Variants in CDH3 observed in about 807,000 individuals in gnomAD.
The protein encoded by CDH3 is cadherin-3.
Under a neutral mutation model 82.0 loss-of-function variants are expected in CDH3, and 54 were observed. The observed-to-expected ratio is 0.66, with a 90% CI of 0.53 to 0.83. CDH3 has a LOEUF of 0.83. CDH3 is among the 40% of genes least tolerant of loss of function. CDH3 has a pLI of 0.00. For synonymous variants in CDH3, 446 were observed against 437.9 expected (o/e 1.02, Z -0.23); for missense variants, 1,054 against 1,084.6 (o/e 0.97, Z 0.40).
intron 2 of CDH3, 37 bp downstream of exon 2, chr16:68,645,787 G>T (rs771098797): frequency 7.5e-6 from 11 of 1,468,608 alleles, no homozygotes; most frequent in Non-Finnish European, 1.0e-5. Context: ...GGTAGGGGCC[G>T]CACGTGACCA....
At position 68,687,546 on chromosome 16, in the gene CDH3, G is replaced by A. The variant is rs1961447976; in HGVS notation, c.1605G>A (p.Leu535=). Residue 535 remains leucine, a synonymous_variant, in exon 12 of 16, where the codon CTG becomes CTA. Coordinates refer to ENST00000264012, the MANE Select transcript of CDH3 (RefSeq NM_001793.6). ...SPPTTGTGTL[L]LTLIDVNDHG... ...CCACCACTGGCACGGGAACCCTTCT[G>A]CTAACACTGATTGATGTCAATGACC... 1.2e-6 allele frequency: 2 copies of A among 1,614,106 alleles called. No individual in the cohort carries two copies. Among genetic ancestry groups the A allele is most frequent in the East Asian group, 2.2e-5 (1 of 44,870 alleles).
At chr16:68,709,445 A>G (rs761387082) in intron 1 of CDH3, among the ~76,000 whole-genome samples, 25 of 152,078 alleles carry the variant, frequency 1.6e-4, no homozygotes, top group African/African-American at 6.0e-4. Context: ...AGAAGGGTTC[A>G]TGGAGGTGCA....
intron 12 of CDH3, among the ~76,000 whole-genome samples, chr16:68,689,150 C>G (rs1488526886): frequency 6.6e-6 from 1 of 152,174 alleles, no homozygotes; most frequent in Non-Finnish European, 1.5e-5. Flanking sequence ...ACTCCCTAAG[C>G]CTCAATTTCT....
downstream of CDH3, among the ~76,000 whole-genome samples, chr16:68,731,451 CGT>C (rs1567467997): frequency 1.7e-4 from 2 of 11,816 alleles, no homozygotes; most frequent in East Asian, 1.5e-3. Context: ...TACACACACA[CGT>C]ATATACACAT....
In CDH3 at chr16:68,686,807, G is replaced by A. The variant is rs1337249227; in HGVS notation, c.1571-705G>A. On this transcript the variant is annotated intron_variant, in intron 11 of 15. Coordinates refer to ENST00000264012, the MANE Select transcript of CDH3 (RefSeq NM_001793.6). Reference sequence around the variant, plus strand: ...TTATAATAAACTAATGATAACTAATGACCAAAAAAAATAAGCTGGGTGTGG... The same window carrying A: ...TTATAATAAACTAATGATAACTAATAACCAAAAAAAATAAGCTGGGTGTGG... 13 of 512,778 alleles carry A rather than the reference G, an allele frequency of 2.5e-5. No homozygotes were observed. In the East Asian group the frequency reaches 4.2e-4, roughly 17 times the overall value. 31.8% of individuals were successfully genotyped at this position (512,778 alleles called of 1,614,324 possible).
At chr16:68,652,500 G>T (rs938285569) in intron 2 of CDH3, among the ~76,000 whole-genome samples, 2 of 152,164 alleles carry the variant, frequency 1.3e-5, no homozygotes, top group Non-Finnish European at 2.9e-5. Context: ...GAGGAGGGAG[G>T]AAGGGCCTCC....
chr16:68,697,916 C>T (rs1168711445), intron 15 of CDH3, among the ~76,000 whole-genome samples: 3 of 152,282 alleles, frequency 2.0e-5, no homozygotes, highest in South Asian at 2.1e-4. Flanking sequence ...TTAAGGGACT[C>T]GCCCAAGGCC....
rs565435776 is a variant in CDH3 at position 68,654,838 on chromosome 16, C to G, written c.160+9088C>G. ...ATCACCTGAGGTCAGGAGTTCAAGA[C>G]CAGCCTGGCCAACATGGTGAAACCC... On this transcript the variant is annotated intron_variant, in intron 2 of 15. Coordinates refer to ENST00000264012, the MANE Select transcript of CDH3 (RefSeq NM_001793.6). Among the ~76,000 whole-genome samples, 693 of 151,074 alleles carry G rather than the reference C, an allele frequency of 4.6e-3. 3 individuals carry two copies. Among genetic ancestry groups the G allele is most frequent in the African/African-American group, 0.016 (653 of 41,126 alleles).
chr16:68,730,559 T>G (rs1216342852), downstream of CDH3, among the ~76,000 whole-genome samples: 1 of 152,138 alleles, frequency 6.6e-6, no homozygotes, highest in Non-Finnish European at 1.5e-5. Flanking sequence ...AAAAATTGTT[T>G]AAAAGACATT....
chr16:68,656,688 C>A (rs11643840), intron 2 of CDH3, among the ~76,000 whole-genome samples: 34,452 of 152,064 alleles, frequency 0.23, 4,299 homozygotes, highest in African/African-American at 0.31. Flanking sequence ...GACCATTTGG[C>A]AATCAGGGTG....
intron 1 of CDH3, among the ~76,000 whole-genome samples, chr16:68,706,546 T>A (rs1961966719): frequency 6.6e-5 from 6 of 91,474 alleles, no homozygotes; most frequent in Admixed American, 3.8e-4. Context: ...CACATTTCCT[T>A]TTTTTTTTTT....
chr16:68,695,388 G>A lies in CDH3; in HGVS notation c.2133+3G>A. On this transcript the variant is annotated splice_donor_region_variant and intron_variant, in intron 14 of 15. Transcript: ENST00000264012. Reference sequence around the variant, plus strand: ...AGGGGGGTGGCGAAGAGGACCAGGTGGGGCACTGGGGGCTCTGGGATTGGG... The same window carrying A: ...AGGGGGGTGGCGAAGAGGACCAGGTAGGGCACTGGGGGCTCTGGGATTGGG... 1.2e-6 allele frequency: 2 copies of A among 1,605,210 alleles called. No individual in the cohort carries two copies. Among genetic ancestry groups the A allele is most frequent in the Non-Finnish European group, 8.5e-7 (1 of 1,175,952 alleles).
downstream of CDH3, among the ~76,000 whole-genome samples, chr16:68,728,984 G>A (rs568823207): frequency 2.0e-5 from 3 of 152,218 alleles, no homozygotes; most frequent in South Asian, 6.2e-4. Context: ...CGCGTTTAAG[G>A]ACACCTCAAA....
intron 2 of CDH3, among the ~76,000 whole-genome samples, chr16:68,662,172 G>A (rs777092150): frequency 5.3e-5 from 8 of 152,150 alleles, no homozygotes; most frequent in African/African-American, 9.7e-5. Context: ...GTGTAAAATC[G>A]GGATGGGAAT....
Position 68,698,411 on chromosome 16 carries a change from T to C in CDH3, c.*11T>C. 1 of 1,612,402 alleles carries C rather than the reference T, an allele frequency of 6.2e-7. No individual in the cohort carries two copies. Among genetic ancestry groups the C allele is most frequent in the South Asian group, 1.1e-5 (1 of 91,030 alleles). Reference sequence around the variant, plus strand: ...GGGGAGGACGACTAGGCGGCCTGCCTGCAGGGCTGGGGACCAAACGTCAGG... The same window carrying C: ...GGGGAGGACGACTAGGCGGCCTGCCCGCAGGGCTGGGGACCAAACGTCAGG... On this transcript the variant is annotated 3_prime_UTR_variant, in exon 16 of 16. Coordinates refer to ENST00000264012, the MANE Select transcript of CDH3 (RefSeq NM_001793.6).
intron 1 of CDH3, among the ~76,000 whole-genome samples, chr16:68,713,224 CG>C (rs1320646409): frequency 6.6e-6 from 1 of 152,092 alleles, no homozygotes; most frequent in African/African-American, 2.4e-5. Flanking sequence ...AAAATTAAGT[CG>C]CTTCACTTTT....
chr16:68,694,845 T>G (rs1332558190), intron 13 of CDH3, among the ~76,000 whole-genome samples: 1 of 152,158 alleles, frequency 6.6e-6, no homozygotes, highest in East Asian at 1.9e-4. Context: ...CTGGTTAGAC[T>G]GACAGCATTA....
intron 1 of CDH3, among the ~76,000 whole-genome samples, chr16:68,712,928 C>T (rs542839973): frequency 2.6e-5 from 4 of 152,114 alleles, no homozygotes; most frequent in East Asian, 1.9e-4. Context: ...GTGATCCACC[C>T]GCCTCAGCCT....
downstream of CDH3, among the ~76,000 whole-genome samples, chr16:68,700,585 C>G (rs1353941927): frequency 6.6e-6 from 1 of 152,222 alleles, no homozygotes; most frequent in Non-Finnish European, 1.5e-5. Context: ...GGGTGGATCA[C>G]TTGAGGTCAG....
Sources: allele counts gnomAD v4.1 joint callset (sites outside exome capture counted in the v4.1 genomes callset), GRCh38; gene constraint gnomAD v4.1.1; transcripts MANE v1.5; gene names NCBI Gene and HGNC (gene_info 2026-07-23, HGNC 2026-07-21).